Variants in DPP6 observed in about 807,000 individuals in gnomAD.
DPP6 encodes dipeptidyl peptidase like 6.
A neutral mutation model predicts 122.6 loss-of-function variants in DPP6; 69 were observed. That is an observed-to-expected ratio of 0.56 (90% confidence interval 0.46 to 0.69). The LOEUF (loss-of-function observed/expected upper bound fraction) is 0.69. Among genes scored for constraint, DPP6 ranks in the 30% least tolerant of loss-of-function variants. The probability of loss-of-function intolerance (pLI) is 0.00; values close to 1 mark genes in which losing one functional copy is unlikely to be tolerated. For missense variants in DPP6, 928 were observed against 1,116.9 expected (o/e 0.83, Z 2.41); for synonymous variants, 418 against 433.1 (o/e 0.97, Z 0.43).
At chr7:154,801,100 G>A (rs1798334168) in intron 12 of DPP6, among the ~76,000 whole-genome samples, 1 of 151,756 alleles carries the variant, frequency 6.6e-6, no homozygotes, top group African/African-American at 2.4e-5. Flanking sequence ...TGTGTAGACT[G>A]AGGGATGCCT....
chr7:153,817,310 G>A, the DPP6 span, among the ~76,000 whole-genome samples: 1 of 145,942 alleles, frequency 6.9e-6, no homozygotes, highest in African/African-American at 2.5e-5. Flanking sequence ...CAGTTCTGTG[G>A]GCATGTGGCT....
chr7:154,350,426 A>C (rs1410068223), intron 1 of DPP6, among the ~76,000 whole-genome samples: 1 of 152,176 alleles, frequency 6.6e-6, no homozygotes, highest in East Asian at 1.9e-4. Context: ...CCCAGCCTTC[A>C]TGGAGCTTGT....
intron 1 of DPP6, among the ~76,000 whole-genome samples, chr7:154,405,331 G>C (rs775737100): frequency 6.6e-6 from 1 of 152,156 alleles, no homozygotes; most frequent in Non-Finnish European, 1.5e-5. Context: ...CCCAATACTA[G>C]GTAAAGATGT....
At chr7:153,920,780 C>T (rs1004820210) in intron 1 of DPP6, among the ~76,000 whole-genome samples, 1 of 151,760 alleles carries the variant, frequency 6.6e-6, no homozygotes, top group Non-Finnish European at 1.5e-5. Flanking sequence ...AGGCTGGTCT[C>T]GAACTCCTGA....
At chr7:154,200,421 G>A (rs928965672) in intron 1 of DPP6, among the ~76,000 whole-genome samples, 2 of 152,044 alleles carry the variant, frequency 1.3e-5, no homozygotes, top group Admixed American at 6.6e-5. Flanking sequence ...CTGATCTATC[G>A]AACGCTAGTG....
Position 153,939,219 on chromosome 7 carries a change from C to T in DPP6, c.51+51485C>T, listed in dbSNP as rs76145296. Among the ~76,000 whole-genome samples, 1,156 of 152,242 alleles carry T rather than the reference C, an allele frequency of 7.6e-3. 14 individuals carry two copies. Among genetic ancestry groups the T allele is most frequent in the African/African-American group, 0.026 (1,097 of 41,536 alleles). On this transcript the variant is annotated intron_variant, in intron 1 of 25. Transcript: ENST00000404039. ...CCATACTTCATATACAGTACAAATT[C>T]GTTATTATCAGTTAATATTGACTTA...
intron 1 of DPP6, among the ~76,000 whole-genome samples, chr7:154,108,012 A>C (rs1324772730): frequency 2.6e-5 from 4 of 152,250 alleles, no homozygotes; most frequent in Non-Finnish European, 5.9e-5. Flanking sequence ...CAAATAAATA[A>C]TTCATGGGGA....
chr7:153,847,753 CA>C, the DPP6 span, among the ~76,000 whole-genome samples: 1 of 152,148 alleles, frequency 6.6e-6, no homozygotes, highest in African/African-American at 2.4e-5. Flanking sequence ...AATCTATGTC[CA>C]GTTTTTTTCA....
intron 1 of DPP6, among the ~76,000 whole-genome samples, chr7:153,952,506 G>A (rs1041474717): frequency 1.3e-5 from 2 of 152,092 alleles, no homozygotes; most frequent in African/African-American, 4.8e-5. Context: ...TTTCCTGGAG[G>A]GGATTCCAAG....
chr7:153,757,283 C>T, the DPP6 span, among the ~76,000 whole-genome samples: 2 of 152,132 alleles, frequency 1.3e-5, no homozygotes, highest in South Asian at 4.1e-4. Flanking sequence ...ATTAAGAGAT[C>T]ATAAGGCATT....
intron 3 of DPP6, among the ~76,000 whole-genome samples, chr7:154,520,257 T>A (rs1179588323): frequency 6.6e-6 from 1 of 152,280 alleles, no homozygotes; most frequent in East Asian, 1.9e-4. Context: ...GAATCTACAC[T>A]GTATTTTGCT....
intron 1 of DPP6, among the ~76,000 whole-genome samples, chr7:154,421,796 A>G (rs1817493679): frequency 1.3e-5 from 2 of 152,354 alleles, no homozygotes; most frequent in South Asian, 4.1e-4. Flanking sequence ...TCATTAGTGG[A>G]GAACGGAACC....
chr7:154,011,489 A>T (rs935666338), intron 1 of DPP6, among the ~76,000 whole-genome samples: 19 of 152,192 alleles, frequency 1.2e-4, no homozygotes, highest in South Asian at 2.1e-4. Flanking sequence ...TCATCATTTT[A>T]AAGTGGGCTG....
At chr7:153,920,898 C>T (rs1800609015) in intron 1 of DPP6, among the ~76,000 whole-genome samples, 1 of 152,148 alleles carries the variant, frequency 6.6e-6, no homozygotes, top group South Asian at 2.1e-4. Context: ...AATGTGTCAC[C>T]AATTTCACTA....
chr7:154,335,263 T>A (rs944829911), intron 1 of DPP6, among the ~76,000 whole-genome samples: 6 of 152,238 alleles, frequency 3.9e-5, no homozygotes, highest in African/African-American at 1.4e-4. Context: ...GAATGCAGGA[T>A]GCTTCTCACA....
At chr7:154,465,449 G>T (rs1821699624) in intron 2 of DPP6, among the ~76,000 whole-genome samples, 1 of 152,000 alleles carries the variant, frequency 6.6e-6, no homozygotes. Context: ...GAAAATTTTT[G>T]CAATCTATCC....
chr7:154,306,920 T>A (rs973717911), intron 1 of DPP6, among the ~76,000 whole-genome samples: 1 of 152,224 alleles, frequency 6.6e-6, no homozygotes, highest in Non-Finnish European at 1.5e-5. Context: ...ATTTCCACAC[T>A]AAATTAGCAT....
chr7:154,317,065 T>C (rs773381319), intron 1 of DPP6, among the ~76,000 whole-genome samples: 3 of 152,282 alleles, frequency 2.0e-5, no homozygotes, highest in African/African-American at 7.2e-5. Context: ...GGGTCAAAGA[T>C]TTGGCTGTCT....
At position 154,807,928 on chromosome 7, in the gene DPP6, T is replaced by C. The variant is rs142828826; in HGVS notation, c.1666+816T>C. 1.5e-3 allele frequency among the ~76,000 whole-genome samples: 222 copies of C among 152,346 alleles called. 1 individual carries two copies. The highest frequency in any genetic ancestry group is 5.0e-3 in the African/African-American group (209 of 41,578). On this transcript the variant is annotated intron_variant, in intron 16 of 25. Transcript: ENST00000377770. The stretch of plus-strand genomic sequence containing the variant: ...ATAATTTATCCCAAACTGCAAGAGT[T>C]TGATCACACCAACCAGCATACACAA...
Sources: allele counts gnomAD v4.1 joint callset (sites outside exome capture counted in the v4.1 genomes callset), GRCh38; gene constraint gnomAD v4.1.1; transcripts MANE v1.5; gene names NCBI Gene and HGNC (gene_info 2026-07-23, HGNC 2026-07-21).